MSRB3: variants seen among roughly 807,000 people sequenced by gnomAD.
MSRB3 encodes the protein methionine sulfoxide reductase B3.
A neutral mutation model predicts 21.0 loss-of-function variants in MSRB3; 13 were observed. The ratio of observed to expected loss-of-function variants is 0.62; its 90% confidence interval spans 0.40 to 0.98. The LOEUF (loss-of-function observed/expected upper bound fraction) is 0.98, where lower values mean the gene tolerates loss of function less well. Ranked by LOEUF, MSRB3 falls within the 50% of genes least tolerant of loss-of-function variation. MSRB3 has a pLI of 0.00. For missense variants in MSRB3, 199 were observed against 230.3 expected (o/e 0.86, Z 0.88); for synonymous variants, 87 against 88.6 (o/e 0.98, Z 0.10).
intron 5 of MSRB3, among the ~76,000 whole-genome samples, chr12:65,391,457 T>G (rs1879477621): frequency 6.6e-6 from 1 of 152,222 alleles, no homozygotes; most frequent in Non-Finnish European, 1.5e-5. Context: ...ATCCAGGATA[T>G]GTGCTTCTGG....
Position 65,373,951 on chromosome 12 carries a change from G to A in MSRB3, c.292+4925G>A, listed in dbSNP as rs564012406. ...AGCTTGAGGCAAAAACATAAGGGCA[G>A]GGAAAAATAGAGTGGGGCTGTTAAG... On this transcript the variant is annotated intron_variant, in intron 5 of 6. Transcript: ENST00000308259. Among the ~76,000 whole-genome samples, 7 of 152,240 alleles carry A rather than the reference G, an allele frequency of 4.6e-5. No individual in the cohort carries two copies. The South Asian group carries it at 1.5e-3, about 32-fold the overall frequency.
At chr12:65,348,465 A>G (rs976295801) in intron 4 of MSRB3, among the ~76,000 whole-genome samples, 2 of 150,016 alleles carry the variant, frequency 1.3e-5, no homozygotes, top group African/African-American at 4.9e-5. Flanking sequence ...CATCTATTTG[A>G]TTCTTCTCTC....
At position 65,441,926 on chromosome 12, in the gene MSRB3, A is replaced by T. The variant is rs1882400630; in HGVS notation, c.293-11802A>T. On this transcript the variant is annotated intron_variant, in intron 5 of 6. Transcript: ENST00000308259. ...CAAAACACCATTTGTCATATAAACAATTCTAAGTAATTATTTTGTCCTAAA... is the reference window on the plus strand; with the variant it reads ...CAAAACACCATTTGTCATATAAACATTTCTAAGTAATTATTTTGTCCTAAA... Among the ~76,000 whole-genome samples the T allele has an allele frequency of 2.6e-5, 4 of 152,162 alleles. No homozygotes were observed. In the South Asian group the frequency reaches 8.3e-4, roughly 32 times the overall value.
chr12:65,299,978 G>C (rs1873216561), intron 1 of MSRB3, among the ~76,000 whole-genome samples: 2 of 152,014 alleles, frequency 1.3e-5, no homozygotes, highest in South Asian at 2.1e-4. Context: ...TTAGTTCCAG[G>C]GTCATGATCT....
intron 2 of MSRB3, among the ~76,000 whole-genome samples, chr12:65,320,793 T>C (rs1249901716): frequency 6.6e-6 from 1 of 152,230 alleles, no homozygotes; most frequent in Non-Finnish European, 1.5e-5. Flanking sequence ...AGATACGTAG[T>C]TGTAAATTTC....
intron 5 of MSRB3, among the ~76,000 whole-genome samples, chr12:65,372,303 A>G (rs1038173205): frequency 2.0e-5 from 3 of 152,058 alleles, no homozygotes; most frequent in Non-Finnish European, 4.4e-5. Flanking sequence ...TGACCTGAGA[A>G]CTCCAGAAAT....
intron 4 of MSRB3, among the ~76,000 whole-genome samples, chr12:65,359,481 C>G (rs933491601): frequency 2.0e-5 from 3 of 152,002 alleles, no homozygotes; most frequent in Non-Finnish European, 4.4e-5. Context: ...ATTTTACTAA[C>G]CCCTAATCTG....
chr12:65,318,300 G>A (rs915901683), intron 2 of MSRB3, among the ~76,000 whole-genome samples: 4 of 152,076 alleles, frequency 2.6e-5, no homozygotes, highest in African/African-American at 9.7e-5. Context: ...TTCTGGTGAA[G>A]TATACTCAAT....
chr12:65,389,346 G>T (rs1879351825), intron 5 of MSRB3, among the ~76,000 whole-genome samples: 1 of 151,498 alleles, frequency 6.6e-6, no homozygotes, highest in South Asian at 2.1e-4. Flanking sequence ...ATTGAGACTT[G>T]TTTCTCTCCC....
chr12:65,396,818 G>A (rs1330558047), intron 5 of MSRB3, among the ~76,000 whole-genome samples: 1 of 152,124 alleles, frequency 6.6e-6, no homozygotes. Context: ...TTCATCTTAA[G>A]AAGACTGTGT....
intron 3 of MSRB3, 54 bp downstream of exon 3, chr12:65,326,988 C>T: frequency 7.7e-7 from 1 of 1,296,790 alleles, no homozygotes. Context: ...TCTCCCCCTG[C>T]CCTCTGCAGT....
intron 5 of MSRB3, among the ~76,000 whole-genome samples, chr12:65,399,137 G>T (rs892917634): frequency 1.3e-5 from 2 of 152,110 alleles, no homozygotes; most frequent in African/African-American, 2.4e-5. Context: ...TTCTAATTTT[G>T]TGAAGAAAGT....
chr12:65,423,066 G>T (rs1187335547), intron 5 of MSRB3, among the ~76,000 whole-genome samples: 1 of 150,714 alleles, frequency 6.6e-6, no homozygotes, highest in Non-Finnish European at 1.5e-5. Context: ...GGGTTCAAGT[G>T]ATTCTCTTGC....
chr12:65,380,110 T>C (rs1169964795), intron 5 of MSRB3, among the ~76,000 whole-genome samples: 1 of 152,174 alleles, frequency 6.6e-6, no homozygotes, highest in Non-Finnish European at 1.5e-5. Flanking sequence ...GGTGATTGAT[T>C]GGGGCAGTTG....
chr12:65,465,477 A>C lies in MSRB3; in HGVS notation c.*2155A>C, dbSNP rs1883525872. ...CATTTGACAATTTTAAAGAAACAAC[A>C]AGAAATTAGAATGAAAATCTGTGAC... On this transcript the variant is annotated 3_prime_UTR_variant, in exon 7 of 7. Transcript: ENST00000308259. 6.6e-6 allele frequency: 1 copy of C among 152,210 alleles called. No individual in the cohort carries two copies. 9.4% of individuals were successfully genotyped at this position (152,210 alleles called of 1,614,324 possible). A position where few individuals can be genotyped will look rare whatever the true frequency, so the allele number is the denominator to read the frequency against.
intron 2 of MSRB3, among the ~76,000 whole-genome samples, chr12:65,321,839 A>G (rs1874686880): frequency 6.6e-6 from 1 of 152,212 alleles, no homozygotes; most frequent in African/African-American, 2.4e-5. Flanking sequence ...AATAAAGTAT[A>G]CCACCTTTAA....
intron 1 of MSRB3, among the ~76,000 whole-genome samples, chr12:65,303,810 G>A (rs1235441011): frequency 6.6e-6 from 1 of 152,124 alleles, no homozygotes; most frequent in East Asian, 1.9e-4. Context: ...GACTAGAATT[G>A]GAGGCGTTAG....
chr12:65,459,408 C>A (rs1044908986), intron 6 of MSRB3, among the ~76,000 whole-genome samples: 2 of 152,184 alleles, frequency 1.3e-5, no homozygotes, highest in African/African-American at 4.8e-5. Context: ...GGGCTTCAGA[C>A]TCACAGCCCA....
intron 4 of MSRB3, among the ~76,000 whole-genome samples, chr12:65,345,728 C>T (rs1446270435): frequency 6.6e-6 from 1 of 152,066 alleles, no homozygotes; most frequent in East Asian, 1.9e-4. Flanking sequence ...CTATCCCTCC[C>T]CACTCACCCC....
Sources: gnomAD v4.1 joint callset for allele counts (sites outside exome capture counted in the v4.1 genomes callset) on GRCh38, gnomAD v4.1.1 for gene constraint, MANE v1.5 for transcripts, NCBI Gene and HGNC (gene_info 2026-07-23, HGNC 2026-07-21) for gene names.